The following SLCO2B1 variants were observed in gnomAD, a reference collection of about 807,000 sequenced individuals.
SLCO2B1 encodes solute carrier organic anion transporter family member 2B1, also known as OATP-RP2.
SLCO2B1 carries 41 observed loss-of-function variants against 67.3 expected under a neutral mutation model. The ratio of observed to expected loss-of-function variants is 0.61; its 90% confidence interval spans 0.47 to 0.79. SLCO2B1 has a LOEUF of 0.79. SLCO2B1 is among the 30% of genes least tolerant of loss of function. The pLI is 0.00. For synonymous variants in SLCO2B1, 379 were observed against 381.4 expected, an observed-to-expected ratio of 0.99 and a Z score of 0.07; for missense variants, 837 against 920.1, an observed-to-expected ratio of 0.91 and a Z score of 1.17.
chr11:75,162,539 A>G, intron 1 of SLCO2B1, 116 bp from the exon 2 acceptor site: 2 of 1,118,960 alleles, frequency 1.8e-6, no homozygotes. Context: ...CTCATCAACC[A>G]CTAAGAACTC....
rs145304530 is a variant in SLCO2B1 at position 75,169,301 on chromosome 11, T to C, written c.577T>C (p.Phe193Leu). Residue 193 changes from phenylalanine to leucine, a missense_variant, in exon 5 of 14, where the codon TTC becomes CTC. By Grantham distance (22) the Phe-to-Leu change is conservative (BLOSUM62 0). Transcript: ENST00000289575. ...GCATCTGAGTGTGGTGGGGATCATG[T>C]TCGTGGCACAGACCCTGCTGGGCGT... Reference protein sequence around the residue: ...TQHLSVVGIMFVAQTLLGVGG... With the variant: ...TQHLSVVGIMLVAQTLLGVGG... 1.2e-6 allele frequency: 2 copies of C among 1,614,042 alleles called. No individual in the cohort carries two copies. The highest frequency in any genetic ancestry group is 2.7e-5 in the African/African-American group (2 of 74,934).
At chr11:75,153,821 G>T (rs976737851) in intron 1 of SLCO2B1, among the ~76,000 whole-genome samples, 2 of 152,146 alleles carry the variant, frequency 1.3e-5, no homozygotes, top group African/African-American at 2.4e-5. Flanking sequence ...AAAGGCAATT[G>T]GGAGCTATAG....
At position 75,188,246 on chromosome 11, in the gene SLCO2B1, A is replaced by G. The variant is rs1209688046; in HGVS notation, c.1075+8A>G. 2 of 1,598,028 alleles carry G rather than the reference A, an allele frequency of 1.3e-6. No individual in the cohort carries two copies. Among genetic ancestry groups the G allele is most frequent in the Non-Finnish European group, 1.7e-6 (2 of 1,165,464 alleles). ...TGATCCAGTTCATTAAAGGTAAGTCAGCTCAGACCAGGTTATGGGGAGCCA... is the reference window on the plus strand; with the variant it reads ...TGATCCAGTTCATTAAAGGTAAGTCGGCTCAGACCAGGTTATGGGGAGCCA... On this transcript the variant is annotated splice_region_variant and intron_variant, in intron 8 of 13. Transcript: ENST00000289575.
Position 75,172,908 on chromosome 11 carries a change from A to G in SLCO2B1, c.972+339A>G, listed in dbSNP as rs113664140. ...TGCACCACTGCACTCCAGCCTGGGC[A>G]ACAAAGCAAGACTCCGTCTCAAAAA... On this transcript the variant is annotated intron_variant, in intron 7 of 13. Coordinates refer to ENST00000289575, the MANE Select transcript of SLCO2B1 (RefSeq NM_007256.5). 3.3e-3 allele frequency among the ~76,000 whole-genome samples: 499 copies of G among 151,322 alleles called. 4 individuals carry two copies. The highest frequency in any genetic ancestry group is 0.012 in the African/African-American group (483 of 41,130).
rs997707913 is a variant in SLCO2B1, at chr11:75,172,725, C to T, written c.972+156C>T. Among the ~76,000 whole-genome samples the T allele has an allele frequency of 5.1e-4, 78 of 152,050 alleles. 1 individual carries two copies. The highest frequency in any genetic ancestry group is 1.2e-4 in the Non-Finnish European group (8 of 68,016). On this transcript the variant is annotated intron_variant, in intron 7 of 13. Transcript: ENST00000289575. ...CGGTTGGATCACGAGGTCAGGAGAT[C>T]GAGACCATCCTGGCTAACACGGTGA...
At chr11:75,182,468 C>T (rs1450143368) in intron 7 of SLCO2B1, among the ~76,000 whole-genome samples, 3 of 152,172 alleles carry the variant, frequency 2.0e-5, no homozygotes, top group Admixed American at 6.5e-5. Context: ...TGTAGCTGGG[C>T]GCAGTGGCTC....
In SLCO2B1 at chr11:75,173,148, C is replaced by CT. The variant is rs113730739; in HGVS notation, c.972+579_972+580insT. Among the ~76,000 whole-genome samples, 513 of 152,288 alleles carry CT rather than the reference C, an allele frequency of 3.4e-3. 4 individuals are homozygous for CT. Among genetic ancestry groups the CT allele is most frequent in the African/African-American group, 0.012 (497 of 41,564 alleles). On this transcript the variant is annotated intron_variant, in intron 7 of 13. Transcript: ENST00000289575. The stretch of plus-strand genomic sequence containing the variant: ...CCCGCACCTTTCTGAGCCCATGCCC[C>CT]CATACTAACCACTACAATATGGCCT...
At chr11:75,154,214 G>T (rs539181164) in intron 1 of SLCO2B1, among the ~76,000 whole-genome samples, 9 of 150,312 alleles carry the variant, frequency 6.0e-5, no homozygotes, top group African/African-American at 2.2e-4. Context: ...ATGAACCACC[G>T]CGCCTGACCA....
intron 7 of SLCO2B1, among the ~76,000 whole-genome samples, chr11:75,174,655 C>T (rs886480081): frequency 1.3e-5 from 2 of 152,214 alleles, no homozygotes; most frequent in Admixed American, 1.3e-4. Context: ...CTTTCTGATT[C>T]TGCCTAGTTC....
rs1433820925 is a variant in SLCO2B1, at chr11:75,205,714, T to C, written c.*1134T>C. ...CAGCTCTGTGTAATGAGTGATGCTA[T>C]GGCTTGCTCGTGTCTTATGATCCAA... On this transcript the variant is annotated 3_prime_UTR_variant, in exon 14 of 14. Coordinates refer to ENST00000289575, the MANE Select transcript of SLCO2B1 (RefSeq NM_007256.5). 3 of 152,270 alleles carry C rather than the reference T, an allele frequency of 2.0e-5. No individual in the cohort carries two copies. The highest frequency in any genetic ancestry group is 4.8e-5 in the African/African-American group (2 of 41,462). 9.4% of individuals were successfully genotyped at this position (152,270 alleles called of 1,614,324 possible). A position where few individuals can be genotyped will look rare whatever the true frequency, so the allele number is the denominator to read the frequency against.
intron 7 of SLCO2B1, 54 bp from the exon 8 acceptor site, chr11:75,188,082 T>C (rs1944964379): frequency 2.3e-6 from 3 of 1,298,048 alleles, no homozygotes; most frequent in East Asian, 4.7e-5. Flanking sequence ...CAGCCAACTC[T>C]GAGTGGGGTT....
chr11:75,197,392 T>C (rs1945115668), intron 10 of SLCO2B1, among the ~76,000 whole-genome samples: 1 of 152,190 alleles, frequency 6.6e-6, no homozygotes, highest in Non-Finnish European at 1.5e-5. Flanking sequence ...TTCATTTACT[T>C]GGGAGGGAAG....
chr11:75,176,886 G>A (rs938029504), intron 7 of SLCO2B1, among the ~76,000 whole-genome samples: 1 of 152,142 alleles, frequency 6.6e-6, no homozygotes, highest in Non-Finnish European at 1.5e-5. Flanking sequence ...ACTGACGGAG[G>A]GATTGGCCCA....
chr11:75,203,507 G>A, intron 13 of SLCO2B1, 80 bp downstream of exon 13: 1 of 1,572,434 alleles, frequency 6.4e-7, no homozygotes, highest in Non-Finnish European at 8.7e-7. Context: ...GCAGGGAGGG[G>A]AGGTTTCATT....
intron 12 of SLCO2B1, 146 bp from the exon 13 acceptor site, chr11:75,203,161 C>T: frequency 7.7e-7 from 1 of 1,291,572 alleles, no homozygotes; most frequent in South Asian, 1.4e-5. Context: ...CAGGAAGCCA[C>T]CTCGGATGCA....
chr11:75,175,622 C>G (rs1328003918), intron 7 of SLCO2B1, among the ~76,000 whole-genome samples: 2 of 151,920 alleles, frequency 1.3e-5, no homozygotes, highest in Admixed American at 1.3e-4. Context: ...GTGTCTCTAT[C>G]TGTCTAATGG....
intron 1 of SLCO2B1, among the ~76,000 whole-genome samples, chr11:75,156,270 C>T (rs977359358): frequency 6.6e-6 from 1 of 152,176 alleles, no homozygotes; most frequent in East Asian, 1.9e-4. Context: ...TACAAGACAA[C>T]CTCTGCCCTG....
At chr11:75,174,480 A>G (rs1472868267) in intron 7 of SLCO2B1, among the ~76,000 whole-genome samples, 1 of 152,182 alleles carries the variant, frequency 6.6e-6, no homozygotes, top group Non-Finnish European at 1.5e-5. Context: ...GGAGCTACCC[A>G]GGTTGGGGAC....
chr11:75,180,460 AACAGGGTGCAAGTGTGCCCTTTTCTCC>A (rs1458365921), intron 7 of SLCO2B1, among the ~76,000 whole-genome samples: 1 of 152,178 alleles, frequency 6.6e-6, no homozygotes, highest in Admixed American at 6.5e-5. Flanking sequence ...CACCCCTACC[AACAGGGTGCAAGTGTGCCCTTTTCTCC>A]ACAGCCTCCC....
Sources: allele counts gnomAD v4.1 joint callset (sites outside exome capture counted in the v4.1 genomes callset), GRCh38; gene constraint gnomAD v4.1.1; transcripts MANE v1.5; gene names NCBI Gene and HGNC (gene_info 2026-07-23, HGNC 2026-07-21).